The following PAK3 variants were observed in gnomAD, a reference collection of about 807,000 sequenced individuals.
PAK3 encodes p21 (RAC1) activated kinase 3.
PAK3 carries 4 observed loss-of-function variants against 41.0 expected under a neutral mutation model. The observed-to-expected ratio is 0.10, with a 90% CI of 0.05 to 0.22. PAK3 has a LOEUF of 0.22. Among genes scored for constraint, PAK3 ranks in the 10% least tolerant of loss-of-function variants. The pLI is 1.00. For synonymous variants in PAK3, 146 were observed against 139.6 expected, an observed-to-expected ratio of 1.05 and a Z score of -0.32; for missense variants, 205 against 409.9, an observed-to-expected ratio of 0.50 and a Z score of 4.32.
At chrX:111,186,202 G>A (rs887204506) in intron 11 of PAK3, among the ~76,000 whole-genome samples, 4 of 111,377 alleles carry the variant, frequency 3.6e-5, no homozygotes, top group Non-Finnish European at 7.5e-5. Context: ...ATGGGCAAAA[G>A]CTGGAAGCAT....
chrX:111,157,082 A>G (rs1165974829), intron 8 of PAK3, among the ~76,000 whole-genome samples: 2 of 111,406 alleles, frequency 1.8e-5, no homozygotes, highest in East Asian at 5.6e-4. Context: ...TTTTTTTTAA[A>G]CATAGTTTAA....
At chrX:111,163,463 A>G in intron 9 of PAK3, 99 bp from the exon 10 acceptor site, 1 of 627,634 alleles carries the variant, frequency 1.6e-6, no homozygotes, top group South Asian at 2.4e-5. Context: ...TTAAGAAAAT[A>G]CCACTTGTCT....
chrX:110,981,475 T>A, intron 1 of PAK3, among the ~76,000 whole-genome samples: 1 of 111,292 alleles, frequency 9.0e-6, no homozygotes, highest in East Asian at 2.8e-4. Context: ...TTTAGAAACA[T>A]GAACTAAAGT....
In PAK3 at chrX:111,224,147, C is replaced by T. The variant is rs781656165; in HGVS notation, c.*3700C>T. On this transcript the variant is annotated 3_prime_UTR_variant, in exon 18 of 18. Coordinates refer to ENST00000372007, the MANE Select transcript of PAK3 (RefSeq NM_002578.5). ...CTGGGTGCTGAGGTTGGCACACGCT[C>T]GGGTATGGCACACGCTTTCTTAGGA... 1.8e-5 allele frequency: 2 copies of T among 111,151 alleles called. No homozygotes were observed. Among genetic ancestry groups the T allele is most frequent in the Admixed American group, 9.6e-5 (1 of 10,450 alleles). 9.2% of individuals were successfully genotyped at this position (111,151 alleles called of 1,213,427 possible).
chrX:111,091,212 C>T (rs1054353133), upstream of PAK3, among the ~76,000 whole-genome samples: 6 of 111,465 alleles, frequency 5.4e-5, no homozygotes, highest in Non-Finnish European at 1.1e-4. Flanking sequence ...CTTCAGAAAG[C>T]TCGTAGGTTC....
At chrX:110,975,851 A>C (rs990974363) in intron 1 of PAK3, among the ~76,000 whole-genome samples, 39 of 111,888 alleles carry the variant, frequency 3.5e-4, no homozygotes, top group African/African-American at 8.8e-4. Flanking sequence ...CAAAAACAAG[A>C]AATGGGGAAA....
intron 1 of PAK3, among the ~76,000 whole-genome samples, chrX:111,011,530 C>T (rs1393195246): frequency 8.9e-6 from 1 of 112,172 alleles, no homozygotes. Flanking sequence ...ACCAGAAAGG[C>T]TAGGAAGCAG....
intron 9 of PAK3, 94 bp downstream of exon 9, chrX:111,163,140 A>G: frequency 1.1e-6 from 1 of 882,889 alleles, no homozygotes; most frequent in Non-Finnish European, 1.7e-6. Flanking sequence ...GTACCTATTA[A>G]GCATCTTTTA....
At chrX:111,104,321 TAA>T (rs201744637) in intron 4 of PAK3, among the ~76,000 whole-genome samples, 18 of 98,939 alleles carry the variant, frequency 1.8e-4, no homozygotes, top group African/African-American at 6.6e-4. Context: ...CCAACAAAAT[TAA>T]AAAAAAAAAA....
At chrX:111,129,539 C>T (rs916526247) in intron 5 of PAK3, among the ~76,000 whole-genome samples, 1 of 111,001 alleles carries the variant, frequency 9.0e-6, no homozygotes, top group African/African-American at 3.3e-5. Flanking sequence ...CTAGGAAACC[C>T]GTGTTGAAAT....
intron 11 of PAK3, among the ~76,000 whole-genome samples, chrX:111,181,900 T>C (rs531864473): frequency 9.0e-6 from 1 of 111,448 alleles, no homozygotes; most frequent in Non-Finnish European, 1.9e-5. Flanking sequence ...AAGCACTAAA[T>C]AGATGTAGTC....
intron 1 of PAK3, among the ~76,000 whole-genome samples, chrX:110,977,203 G>T (rs1167418652): frequency 9.1e-6 from 1 of 109,816 alleles, no homozygotes; most frequent in Non-Finnish European, 1.9e-5. Context: ...GAATCATCTT[G>T]AGATAAGATA....
chrX:111,183,890 C>T (rs752318255), intron 11 of PAK3, among the ~76,000 whole-genome samples: 1 of 111,595 alleles, frequency 9.0e-6, no homozygotes, highest in South Asian at 3.8e-4. Context: ...ATGTACTTAT[C>T]GCATTTTAAT....
At chrX:110,976,712 A>T (rs1284045972) in intron 1 of PAK3, among the ~76,000 whole-genome samples, 1 of 111,873 alleles carries the variant, frequency 8.9e-6, no homozygotes, top group Non-Finnish European at 1.9e-5. Flanking sequence ...ACCAACCCAA[A>T]TGTCCATCAA....
intron 5 of PAK3, among the ~76,000 whole-genome samples, chrX:111,126,324 A>G (rs770580669): frequency 3.6e-5 from 4 of 111,756 alleles, no homozygotes; most frequent in Non-Finnish European, 7.5e-5. Flanking sequence ...TCAACAGTTT[A>G]CTTGAGACCT....
intron 11 of PAK3, among the ~76,000 whole-genome samples, chrX:111,182,289 C>G (rs1323702987): frequency 9.1e-6 from 1 of 110,456 alleles, no homozygotes; most frequent in Non-Finnish European, 1.9e-5. Flanking sequence ...CTCATTATCA[C>G]TGGACTATAA....
intron 1 of PAK3, among the ~76,000 whole-genome samples, chrX:110,973,890 C>CA (rs896687420): frequency 7.3e-5 from 8 of 110,027 alleles, no homozygotes; most frequent in South Asian, 3.9e-4. Flanking sequence ...AAATGGAAAG[C>CA]AAAAAAAAGC....
intron 1 of PAK3, among the ~76,000 whole-genome samples, chrX:110,947,107 G>T (rs1248963420): frequency 8.9e-6 from 1 of 111,808 alleles, no homozygotes; most frequent in Admixed American, 9.5e-5. Flanking sequence ...GGAAATGCCT[G>T]GTGGTCACAA....
intron 16 of PAK3, among the ~76,000 whole-genome samples, chrX:111,209,242 A>T (rs1447239891): frequency 9.0e-6 from 1 of 111,562 alleles, no homozygotes; most frequent in African/African-American, 3.3e-5. Context: ...TGAACTCTGG[A>T]TTCATACTCC....
Sources: gnomAD v4.1 joint callset for allele counts (sites outside exome capture counted in the v4.1 genomes callset) on GRCh38, gnomAD v4.1.1 for gene constraint, MANE v1.5 for transcripts, NCBI Gene and HGNC (gene_info 2026-07-23, HGNC 2026-07-21) for gene names.